Variants in TANC1 observed in about 807,000 individuals in gnomAD.
TANC1 encodes protein TANC1.
A neutral mutation model predicts 149.7 loss-of-function variants in TANC1; 77 were observed. That is an observed-to-expected ratio of 0.51 (90% confidence interval 0.43 to 0.62). The LOEUF (loss-of-function observed/expected upper bound fraction) is 0.62. Among genes scored for constraint, TANC1 ranks in the 20% least tolerant of loss-of-function variants. TANC1 has a pLI of 0.00. For missense variants in TANC1, 1,985 were observed against 2,321.8 expected (o/e 0.85, Z 2.98); for synonymous variants, 854 against 925.0 (o/e 0.92, Z 1.39).
At chr2:159,045,324 C>T (rs897889419) in intron 2 of TANC1, among the ~76,000 whole-genome samples, 8 of 152,068 alleles carry the variant, frequency 5.3e-5, no homozygotes, top group African/African-American at 1.4e-4. Flanking sequence ...CCCAGCTACT[C>T]GGGAGGCTGA....
intron 3 of TANC1, among the ~76,000 whole-genome samples, chr2:159,094,775 G>GT (rs1491462203): frequency 1.3e-3 from 188 of 142,776 alleles, no homozygotes; most frequent in Non-Finnish European, 2.2e-3. Flanking sequence ...GTGTGTGTGT[G>GT]GGGGGGGGGT....
At chr2:159,128,336 C>A (rs1478021592) in intron 4 of TANC1, among the ~76,000 whole-genome samples, 1 of 152,240 alleles carries the variant, frequency 6.6e-6, no homozygotes, top group Non-Finnish European at 1.5e-5. Context: ...CCTTGTCCTT[C>A]ATCCATACCC....
At chr2:159,188,754 T>C (rs2057214555) in intron 16 of TANC1, among the ~76,000 whole-genome samples, 1 of 152,264 alleles carries the variant, frequency 6.6e-6, no homozygotes, top group African/African-American at 2.4e-5. Flanking sequence ...GCCAAGCCTC[T>C]TCTGGTCCTC....
chr2:159,059,939 TTG>T (rs1559183792), intron 2 of TANC1, among the ~76,000 whole-genome samples: 2 of 139,954 alleles, frequency 1.4e-5, no homozygotes, highest in Non-Finnish European at 3.1e-5. Flanking sequence ...TGGTTTTTTG[TTG>T]TTGTTGTTTT....
chr2:159,047,190 C>CA (rs1366141219), intron 2 of TANC1, among the ~76,000 whole-genome samples: 5 of 148,074 alleles, frequency 3.4e-5, no homozygotes, highest in Non-Finnish European at 6.0e-5. Flanking sequence ...AACTCATTTC[C>CA]CCCCCCCAGT....
At chr2:159,003,743 T>TGCCGCTGCCGCA (rs1553515796) in intron 2 of TANC1, among the ~76,000 whole-genome samples, 3 of 152,228 alleles carry the variant, frequency 2.0e-5, no homozygotes, top group African/African-American at 7.2e-5. Flanking sequence ...CAGCTGCCGC[T>TGCCGCTGCCGCA]GCCGCAGTCG....
chr2:159,194,223 T>G (rs766636387), intron 16 of TANC1, 34 bp from the exon 17 acceptor site: 1 of 1,549,192 alleles, frequency 6.5e-7, no homozygotes, highest in Non-Finnish European at 8.9e-7. Context: ...ATGACATACA[T>G]GTGACAATCT....
chr2:159,186,893 T>A lies in TANC1; in HGVS notation c.2620-9T>A. ...GATTGTTTCCAAGATCTGTCTCGATTGTTTCCAGGGCCTCAGTAAGAAGAC... is the reference window on the plus strand; with the variant it reads ...GATTGTTTCCAAGATCTGTCTCGATAGTTTCCAGGGCCTCAGTAAGAAGAC... On this transcript the variant is annotated splice_polypyrimidine_tract_variant and intron_variant, in intron 15 of 26. Transcript: ENST00000263635. 1 of 1,614,196 alleles carries A rather than the reference T, an allele frequency of 6.2e-7. No individual in the cohort carries two copies. Among genetic ancestry groups the A allele is most frequent in the Non-Finnish European group, 8.5e-7 (1 of 1,180,040 alleles).
intron 3 of TANC1, among the ~76,000 whole-genome samples, chr2:159,066,380 C>T (rs1014034665): frequency 6.6e-6 from 1 of 152,054 alleles, no homozygotes; most frequent in African/African-American, 2.4e-5. Context: ...AGCCACTGTA[C>T]TCCAGCCTGG....
chr2:159,182,957 C>A (rs6749701), intron 14 of TANC1, among the ~76,000 whole-genome samples: 1 of 152,130 alleles, frequency 6.6e-6, no homozygotes, highest in South Asian at 2.1e-4. Flanking sequence ...CTATTGAAGA[C>A]GTCGCATCAG....
intron 3 of TANC1, among the ~76,000 whole-genome samples, chr2:159,094,448 C>G (rs183013160): frequency 6.6e-6 from 1 of 152,130 alleles, no homozygotes; most frequent in Non-Finnish European, 1.5e-5. Flanking sequence ...TGCTTGCATT[C>G]TCAGTGTGAG....
chr2:159,014,053 T>A (rs1175238547), intron 2 of TANC1, among the ~76,000 whole-genome samples: 1 of 152,234 alleles, frequency 6.6e-6, no homozygotes, highest in Non-Finnish European at 1.5e-5. Context: ...GACTTCATTT[T>A]AACTTGATTA....
intron 5 of TANC1, among the ~76,000 whole-genome samples, chr2:159,142,068 T>C (rs1437875619): frequency 2.0e-5 from 3 of 152,184 alleles, no homozygotes; most frequent in Non-Finnish European, 4.4e-5. Context: ...GATAAGGAAA[T>C]GGAATTGGTG....
Position 159,047,864 on chromosome 2 carries a change from C to T in TANC1, c.-15-18032C>T, listed in dbSNP as rs112211418. 6.8e-3 allele frequency among the ~76,000 whole-genome samples: 1,035 copies of T among 152,276 alleles called. 11 individuals carry two copies. The highest frequency in any genetic ancestry group is 0.023 in the African/African-American group (962 of 41,548). ...AAATTTTGGGACTTCACACCACTAA[C>T]ATTTAATTATAAATGTTTAAAACTC... On this transcript the variant is annotated intron_variant, in intron 2 of 26. Transcript: ENST00000263635.
rs1223940358 is a variant in TANC1, at chr2:158,974,962, A to G, written c.-126+6180A>G. On this transcript the variant is annotated intron_variant, in intron 1 of 26. Coordinates refer to ENST00000263635, the MANE Select transcript of TANC1 (RefSeq NM_033394.3). ...CAGGGTCTTACTATGAGACCAGACC[A>G]GGCTGGTCTCAACTCTTGGTTCAAG... 5.5e-5 allele frequency among the ~76,000 whole-genome samples: 7 copies of G among 126,280 alleles called. No individual in the cohort carries two copies. In the South Asian group the frequency reaches 1.0e-3, roughly 19 times the overall value. 82.8% of individuals were successfully genotyped at this position (126,280 alleles called of 152,430 possible). A position where few individuals can be genotyped will look rare whatever the true frequency, so the allele number is the denominator to read the frequency against.
intron 4 of TANC1, among the ~76,000 whole-genome samples, chr2:159,098,352 G>A (rs2046343893): frequency 6.6e-6 from 1 of 152,198 alleles, no homozygotes; most frequent in Admixed American, 6.5e-5. Flanking sequence ...TATAGCCTAG[G>A]TATATAGTAG....
At position 159,150,516 on chromosome 2, in the gene TANC1, C is replaced by T. The variant is rs1204995078; in HGVS notation, c.642C>T (p.Ser214=). The T allele has an allele frequency of 1.9e-6, 3 of 1,614,022 alleles. No individual in the cohort carries two copies. Among genetic ancestry groups the T allele is most frequent in the East Asian group, 4.5e-5 (2 of 44,882 alleles). The change falls in exon 7 of 27, where the codon AGC becomes AGT. Residue 214 remains serine (S), a synonymous_variant. Transcript: ENST00000263635. The part of the protein sequence containing the change: ...ANKSPCETIS[S]PSSTLESKDS... ...AAAGTCCCTGTGAGACCATTAGCAG[C>T]CCTAGTTCCACCCTGGAAAGCAAGG...
Position 158,990,718 on chromosome 2 carries a change from G to A in TANC1, c.-125-10362G>A, listed in dbSNP as rs537458642. 1.1e-4 allele frequency among the ~76,000 whole-genome samples: 17 copies of A among 152,264 alleles called. No homozygotes were observed. The South Asian group carries it at 2.5e-3, about 22-fold the overall frequency. On this transcript the variant is annotated intron_variant, in intron 1 of 26. Coordinates refer to ENST00000263635, the MANE Select transcript of TANC1 (RefSeq NM_033394.3). ...TGTGAAGTAGGAATTCCTAGGAAATGAGCCTAGAGAGCCTGGTGAGTGTGA... is the reference window on the plus strand; with the variant it reads ...TGTGAAGTAGGAATTCCTAGGAAATAAGCCTAGAGAGCCTGGTGAGTGTGA...
chr2:159,225,258 C>T (rs1274536451), intron 23 of TANC1: 7 of 227,532 alleles, frequency 3.1e-5, no homozygotes, highest in Non-Finnish European at 5.2e-5. Context: ...AGGTTGTGGC[C>T]GAGCTGTAGG....
Sources: gnomAD v4.1 joint callset for allele counts (sites outside exome capture counted in the v4.1 genomes callset) on GRCh38, gnomAD v4.1.1 for gene constraint, MANE v1.5 for transcripts, NCBI Gene and HGNC (gene_info 2026-07-23, HGNC 2026-07-21) for gene names.